Variants in AMZ1 observed in about 807,000 individuals in gnomAD.
AMZ1 encodes the protein archaemetzincin-1.
Under a neutral mutation model 29.9 loss-of-function variants are expected in AMZ1, and 39 were observed. The observed-to-expected ratio is 1.30, with a 90% CI of 1.01 to 1.70. The LOEUF (loss-of-function observed/expected upper bound fraction) is 1.70. Among genes scored for constraint, AMZ1 ranks in the 40% most tolerant of loss-of-function variants. The pLI, the probability that AMZ1 is intolerant of heterozygous loss-of-function variation, is 0.00. For missense variants in AMZ1, 1,041 were observed against 680.6 expected (o/e 1.53, Z -5.89); for synonymous variants, 458 against 304.0 (o/e 1.51, Z -5.27).
At chr7:2,719,712 CT>C (rs760278853), downstream of AMZ1, among the ~76,000 whole-genome samples, 207 of 149,238 alleles carry the variant, frequency 1.4e-3, 3 homozygotes, top group Admixed American at 1.7e-3. Flanking sequence ...TGGAGTTTCG[CT>C]CTTGTTGCCC....
At position 2,716,182 on chromosome 7, in the gene AMZ1, C is replaced by G. The variant is rs1322433485; in HGVS notation, c.*3304C>G. ...CTGAAGTGGCTAGAATACACACTCC[C>G]ACGTCACAGCCATGCTATGATGAAG... is the stretch of plus-strand genomic sequence containing the variant. On this transcript the variant is annotated 3_prime_UTR_variant, in exon 7 of 7. Transcript: ENST00000683327. 6.6e-6 allele frequency: 1 copy of G among 152,246 alleles called. No individual in the cohort carries two copies. The highest frequency in any genetic ancestry group is 1.5e-5 in the Non-Finnish European group (1 of 68,058). The allele number at this position is 152,246 out of a possible 1,614,324, so 9.4% of individuals were successfully genotyped here. A position where few individuals can be genotyped will look rare whatever the true frequency, so the allele number is the denominator to read the frequency against.
At position 2,704,135 on chromosome 7, in the gene AMZ1, T is replaced by C. The variant is rs548043928; in HGVS notation, c.472+1246T>C. 5.3e-5 allele frequency among the ~76,000 whole-genome samples: 8 copies of C among 152,358 alleles called. No individual in the cohort carries two copies. The East Asian group carries it at 1.5e-3, about 29-fold the overall frequency. On this transcript the variant is annotated intron_variant, in intron 3 of 6. Transcript: ENST00000683327. ...GGATCTCCTGACCGCATGATCTGCC[T>C]GCATTGGCCTCCCAAAGTGCTGGGA... is the stretch of plus-strand genomic sequence containing the variant.
chr7:2,721,741 G>A (rs565736832), downstream of AMZ1, among the ~76,000 whole-genome samples: 15 of 151,630 alleles, frequency 9.9e-5, no homozygotes, highest in Admixed American at 4.6e-4. Context: ...GATAGCGGCG[G>A]GTGGGTGCCA....
chr7:2,687,647 G>A (rs1390399749), upstream of AMZ1, among the ~76,000 whole-genome samples: 4 of 152,228 alleles, frequency 2.6e-5, no homozygotes, highest in Non-Finnish European at 5.9e-5. Flanking sequence ...CAGGGCGCCC[G>A]TCCTCAGGGC....
chr7:2,744,798 A>C (rs543028909), intron 4 of AMZ1, among the ~76,000 whole-genome samples: 1 of 152,322 alleles, frequency 6.6e-6, no homozygotes, highest in Admixed American at 6.5e-5. Flanking sequence ...GGATAACTAG[A>C]ATAACCAATG....
At chr7:2,732,211 G>A (rs115045691) in intron 4 of AMZ1, among the ~76,000 whole-genome samples, 1,821 of 152,164 alleles carry the variant, frequency 0.012, 50 homozygotes, top group African/African-American at 0.042. Flanking sequence ...AGTCTTTAGC[G>A]ACACACAGGC....
chr7:2,721,179 G>A (rs1262281173), downstream of AMZ1, among the ~76,000 whole-genome samples: 5 of 152,220 alleles, frequency 3.3e-5, no homozygotes, highest in Non-Finnish European at 7.3e-5. Context: ...GGACGCCTGT[G>A]CCTGGGAGGG....
intron 2 of AMZ1, chr7:2,702,372 G>C (rs112121662): frequency 0.021 from 5,149 of 244,322 alleles, 279 homozygotes; most frequent in African/African-American, 0.11. Flanking sequence ...ATTTTGCAGC[G>C]AGGTGGCTCG....
At position 2,731,155 on chromosome 7, in the gene AMZ1, G is replaced by A. The variant is rs372899470; in HGVS notation, n.550+21339G>A. 806 of 1,541,910 alleles carry A rather than the reference G, an allele frequency of 5.2e-4. 4 individuals carry two copies. The highest frequency in any genetic ancestry group is 1.3e-4 in the Non-Finnish European group (141 of 1,126,586). On this transcript the variant is annotated intron_variant and non_coding_transcript_variant, in intron 4 of 4. Coordinates refer to the AMZ1 transcript ENST00000489665. The surrounding 1 kb of genome is among the most constrained non-coding windows in gnomAD (Gnocchi z 6.0). ...CCGACAGCCGTGGGGGCTGCTCAAC[G>A]ACGACAAACCCCGGGGCTTCCTCGC... is the stretch of plus-strand genomic sequence containing the variant.
rs930010187 is a variant in AMZ1, at chr7:2,719,277, G to A, written c.*6399G>A. Among the ~76,000 whole-genome samples, 2 of 152,232 alleles carry A rather than the reference G, an allele frequency of 1.3e-5. No homozygotes were observed. On this transcript the variant is annotated 3_prime_UTR_variant, in exon 7 of 7. Transcript: ENST00000683327. ...GCCTCTCCCGCCTGCACCACTTGGAGGCAGTTGTTTCACGTGGGGCTCTTG... is the reference window on the plus strand; with the variant it reads ...GCCTCTCCCGCCTGCACCACTTGGAAGCAGTTGTTTCACGTGGGGCTCTTG...
In AMZ1 at chr7:2,717,282, G is replaced by C. The variant is rs541505798; in HGVS notation, c.*4404G>C. On this transcript the variant is annotated 3_prime_UTR_variant, in exon 7 of 7. Coordinates refer to ENST00000683327, the MANE Select transcript of AMZ1 (RefSeq NM_001384743.1). ...GAATATTTTTATCCCCGTGAAGACG[G>C]AGAGAATCAGGGCTTCGCGACGGGG... Among the ~76,000 whole-genome samples the C allele has an allele frequency of 5.3e-5, 8 of 152,340 alleles. No homozygotes were observed. Among genetic ancestry groups the C allele is most frequent in the Middle Eastern group, 3.4e-3 (1 of 294 alleles).
intron 4 of AMZ1, among the ~76,000 whole-genome samples, chr7:2,747,763 A>G (rs1790837971): frequency 6.6e-6 from 1 of 152,202 alleles, no homozygotes; most frequent in Admixed American, 6.5e-5. Context: ...ATTGTATATT[A>G]TCTAGAAAAC....
chr7:2,754,358 G>A (rs1486349502), intron 4 of AMZ1, among the ~76,000 whole-genome samples: 1 of 152,108 alleles, frequency 6.6e-6, no homozygotes, highest in African/African-American at 2.4e-5. Context: ...TGTTTTGAGA[G>A]TTCTGTTTTC....
chr7:2,693,949 C>G (rs1234275068), intron 1 of AMZ1, among the ~76,000 whole-genome samples: 1 of 152,212 alleles, frequency 6.6e-6, no homozygotes, highest in East Asian at 1.9e-4. Flanking sequence ...TGCTGGAGCA[C>G]CTAACTCCAT....
chr7:2,691,342 G>T (rs1787375088), intron 1 of AMZ1, among the ~76,000 whole-genome samples: 2 of 147,928 alleles, frequency 1.4e-5, no homozygotes, highest in African/African-American at 5.3e-5. Flanking sequence ...CAGGTGAGCT[G>T]TGTAACCCTG....
chr7:2,742,652 C>G (rs1182715625), intron 4 of AMZ1, among the ~76,000 whole-genome samples: 1 of 152,218 alleles, frequency 6.6e-6, no homozygotes, highest in East Asian at 1.9e-4. Flanking sequence ...TCTACCCTCC[C>G]TGTCCCCGCA....
chr7:2,753,831 T>C (rs1469191066), intron 4 of AMZ1, among the ~76,000 whole-genome samples: 2 of 152,206 alleles, frequency 1.3e-5, no homozygotes, highest in Non-Finnish European at 2.9e-5. Flanking sequence ...GGGATATCTT[T>C]TTCTTCTGGG....
downstream of AMZ1, among the ~76,000 whole-genome samples, chr7:2,720,084 T>G (rs887378682): frequency 9.1e-4 from 139 of 152,328 alleles, no homozygotes; most frequent in African/African-American, 3.2e-3. Flanking sequence ...ATTCCTTGCA[T>G]TTGAGAAGGC....
intron 4 of AMZ1, among the ~76,000 whole-genome samples, chr7:2,740,920 C>T (rs1262588357): frequency 1.3e-5 from 2 of 152,176 alleles, no homozygotes; most frequent in Admixed American, 6.5e-5. Context: ...TGGCAGGTGC[C>T]TGTAGTCCCA....
Sources: allele counts gnomAD v4.1 joint callset (sites outside exome capture counted in the v4.1 genomes callset), GRCh38; gene constraint gnomAD v4.1.1; non-coding constraint Gnocchi (gnomAD v3.1); transcripts MANE v1.5; gene names NCBI Gene and HGNC (gene_info 2026-07-23, HGNC 2026-07-21).